The following CSMD2 variants were observed in gnomAD, a reference collection of about 807,000 sequenced individuals.
The protein encoded by CSMD2 is CUB and Sushi multiple domains 2, also known as CUB and sushi domain-containing protein 2.
CSMD2 carries 130 observed loss-of-function variants against 398.5 expected under a neutral mutation model. That is an observed-to-expected ratio of 0.33 (90% CI 0.28 to 0.38). The LOEUF is 0.38. CSMD2 is among the 10% of genes least tolerant of loss of function. The pLI is 1.00. For missense variants in CSMD2, 3,829 were observed against 4,764.9 expected (o/e 0.80, Z 5.78); for synonymous variants, 1,828 against 1,908.5 (o/e 0.96, Z 1.10).
rs372609425 is a variant in CSMD2 at position 33,772,249 on chromosome 1, G to A, written c.1846+320C>T. On this transcript the variant is annotated intron_variant, in intron 13 of 70. Transcript: ENST00000373381. ...GTGTCAGGGGTGGCAATGACGGTGA[G>A]CAGGAAATGTCTGGGTCTGAGCCTG... The A allele has an allele frequency of 2.4e-4, 56 of 228,662 alleles. No individual in the cohort carries two copies. The Middle Eastern group carries it at 4.4e-3, about 18-fold the overall frequency. 14.2% of individuals were successfully genotyped at this position (228,662 alleles called of 1,614,324 possible).
intron 3 of CSMD2, among the ~76,000 whole-genome samples, chr1:33,974,497 A>G (rs765468288): frequency 3.9e-5 from 6 of 152,226 alleles, no homozygotes; most frequent in Admixed American, 1.3e-4. Flanking sequence ...TGCTTTATAT[A>G]TTGCAAAAGT....
At chr1:33,888,296 A>G (rs770072217) in intron 5 of CSMD2, among the ~76,000 whole-genome samples, 5 of 152,206 alleles carry the variant, frequency 3.3e-5, no homozygotes, top group African/African-American at 4.8e-5. Flanking sequence ...TAAACGCACA[A>G]CAATTGTCAA....
intron 24 of CSMD2, among the ~76,000 whole-genome samples, chr1:33,694,939 G>C (rs1018460807): frequency 2.6e-5 from 4 of 152,172 alleles, no homozygotes; most frequent in African/African-American, 9.7e-5. Flanking sequence ...CCCTGGAAGA[G>C]TTTACTGTCT....
intron 32 of CSMD2, among the ~76,000 whole-genome samples, chr1:33,632,630 C>T (rs2148905484): frequency 6.6e-6 from 1 of 151,764 alleles, no homozygotes. Flanking sequence ...TAAAACATGC[C>T]CTCTTTCTTG....
At position 33,516,081 on chromosome 1, in the gene CSMD2, G is replaced by A. The variant is rs190845692; in HGVS notation, c.*543C>T. 1.5e-4 allele frequency: 23 copies of A among 152,334 alleles called. No individual in the cohort carries two copies. Among genetic ancestry groups the A allele is most frequent in the African/African-American group, 5.5e-4 (23 of 41,552 alleles). 9.4% of individuals were successfully genotyped at this position (152,334 alleles called of 1,614,324 possible). A position where few individuals can be genotyped will look rare whatever the true frequency, so the allele number is the denominator to read the frequency against. On this transcript the variant is annotated 3_prime_UTR_variant, in exon 71 of 71. Transcript: ENST00000373381. ...CCGGGTTTCTGCACTCTGACCGCAT[G>A]ATGGGATGTGTCCTACTGTTACAGT...
chr1:33,643,575 AG>A (rs879752869), intron 29 of CSMD2, among the ~76,000 whole-genome samples: 4 of 152,244 alleles, frequency 2.6e-5, no homozygotes, highest in African/African-American at 7.2e-5. Flanking sequence ...TCCTTCGTTT[AG>A]TGTCACTGTC....
chr1:33,716,247 C>A, intron 20 of CSMD2, 39 bp downstream of exon 20: 2 of 1,527,532 alleles, frequency 1.3e-6, no homozygotes, highest in Non-Finnish European at 9.1e-7. Context: ...GCAAATAGCA[C>A]CATGGTCTCT....
intron 53 of CSMD2, among the ~76,000 whole-genome samples, chr1:33,561,566 G>A (rs989806645): frequency 6.6e-6 from 1 of 152,196 alleles, no homozygotes; most frequent in African/African-American, 2.4e-5. Flanking sequence ...AATATAAAAT[G>A]TTCTCTGACC....
chr1:33,726,468 T>A (rs1193342579), intron 16 of CSMD2, 79 bp downstream of exon 16: 3 of 1,485,820 alleles, frequency 2.0e-6, no homozygotes, highest in East Asian at 4.6e-5. Context: ...TGGTCCCCTA[T>A]CCACCCTGCA....
At chr1:33,690,483 C>A (rs904760474) in intron 25 of CSMD2, among the ~76,000 whole-genome samples, 1 of 152,198 alleles carries the variant, frequency 6.6e-6, no homozygotes, top group Non-Finnish European at 1.5e-5. Context: ...TGAACCATGG[C>A]CACATCTCAT....
At chr1:34,043,975 C>T (rs1358472948) in intron 2 of CSMD2, among the ~76,000 whole-genome samples, 1 of 152,178 alleles carries the variant, frequency 6.6e-6, no homozygotes, top group Non-Finnish European at 1.5e-5. Context: ...GTGACTTTGC[C>T]AGAAGAAAAC....
intron 6 of CSMD2, among the ~76,000 whole-genome samples, chr1:33,836,002 C>T (rs1660211640): frequency 6.6e-6 from 1 of 152,056 alleles, no homozygotes; most frequent in Non-Finnish European, 1.5e-5. Context: ...TTTTATCTAC[C>T]TTTGGTCTTT....
intron 1 of CSMD2, among the ~76,000 whole-genome samples, chr1:34,162,152 A>G (rs1441592741): frequency 7.5e-6 from 1 of 133,656 alleles, no homozygotes; most frequent in Non-Finnish European, 1.7e-5. Context: ...AGCCTGGACA[A>G]CAAAAGAGTG....
At chr1:33,915,283 C>A (rs560348679) in intron 5 of CSMD2, among the ~76,000 whole-genome samples, 3 of 152,162 alleles carry the variant, frequency 2.0e-5, no homozygotes, top group Non-Finnish European at 4.4e-5. Context: ...AAACCAGCAG[C>A]ATCAAATTTT....
intron 3 of CSMD2, among the ~76,000 whole-genome samples, chr1:34,024,782 C>T (rs974300411): frequency 6.6e-5 from 10 of 152,168 alleles, no homozygotes; most frequent in African/African-American, 2.4e-4. Context: ...CTGCAAATTG[C>T]ATATTCAGTG....
chr1:33,861,730 C>G (rs1181805610), intron 5 of CSMD2, among the ~76,000 whole-genome samples: 1 of 152,114 alleles, frequency 6.6e-6, no homozygotes, highest in Non-Finnish European at 1.5e-5. Context: ...TAGCAGAGAC[C>G]TCAGAGGCTC....
chr1:33,646,647 C>A lies in CSMD2; in HGVS notation c.4774+1G>T. 1 of 1,613,292 alleles carries A rather than the reference C, an allele frequency of 6.2e-7. No homozygotes were observed. Among genetic ancestry groups the A allele is most frequent in the Non-Finnish European group, 8.5e-7 (1 of 1,179,940 alleles). On this transcript the variant is annotated splice_donor_variant, in intron 29 of 70. Coordinates refer to ENST00000373381, the MANE Select transcript of CSMD2 (RefSeq NM_001281956.2). LOFTEE classifies it high-confidence loss of function. ...GTACTCTCTGGCACCAGGGCCCTTA[C>A]CTGTATAGTCAATGACGAAGCCAGC...
chr1:33,893,547 T>C (rs1249262904), intron 5 of CSMD2, among the ~76,000 whole-genome samples: 3 of 152,200 alleles, frequency 2.0e-5, no homozygotes, highest in Admixed American at 1.3e-4. Context: ...AAGAGAGCGA[T>C]GGAGGGAATG....
In CSMD2 at chr1:33,633,591, G is replaced by T. The variant is rs1444179154; in HGVS notation, c.5087-56C>A. 1.5e-6 allele frequency: 2 copies of T among 1,348,600 alleles called. No individual in the cohort carries two copies. The highest frequency in any genetic ancestry group is 2.5e-5 in the East Asian group (1 of 39,942). The allele number at this position is 1,348,600 out of a possible 1,614,324, so 83.5% of individuals were successfully genotyped here. A position where few individuals can be genotyped will look rare whatever the true frequency, so the allele number is the denominator to read the frequency against. On this transcript the variant is annotated intron_variant, in intron 31 of 70. Transcript: ENST00000373381. This position sits in a 1 kb window ranked among gnomAD's most constrained non-coding sequence, Gnocchi z 5.0. ...CAGGCACGCTGGGGGCAGGAGAGGG[G>T]ATCTAGGGGTCTAGGGGCCCAAGCC...
Sources: allele counts gnomAD v4.1 joint callset (sites outside exome capture counted in the v4.1 genomes callset), GRCh38; gene constraint gnomAD v4.1.1; non-coding constraint Gnocchi (gnomAD v3.1); transcripts MANE v1.5; gene names NCBI Gene and HGNC (gene_info 2026-07-23, HGNC 2026-07-21).